The following DPY19L2 variants were observed in gnomAD, a reference collection of about 807,000 sequenced individuals.
The protein encoded by DPY19L2 is dpy-19 like 2, also known as probable C-mannosyltransferase DPY19L2.
DPY19L2 carries 34 observed loss-of-function variants against 97.9 expected under a neutral mutation model. The ratio of observed to expected loss-of-function variants is 0.35; its 90% CI spans 0.26 to 0.46. The LOEUF (loss-of-function observed/expected upper bound fraction) is 0.46. DPY19L2 is among the 20% of genes least tolerant of loss of function. The probability of loss-of-function intolerance (pLI) is 1.00; values close to 1 mark genes in which losing one functional copy is unlikely to be tolerated. For missense variants in DPY19L2, 623 were observed against 911.4 expected (o/e 0.68, Z 4.07); for synonymous variants, 230 against 307.9 (o/e 0.75, Z 2.65).
intron 4 of DPY19L2, among the ~76,000 whole-genome samples, chr12:63,655,912 T>C (rs998654021): frequency 2.6e-5 from 4 of 152,186 alleles, no homozygotes; most frequent in Non-Finnish European, 5.9e-5. Flanking sequence ...TACTAGGCAT[T>C]TACCGACTGA....
chr12:63,640,469 T>C (rs138059045), intron 6 of DPY19L2, among the ~76,000 whole-genome samples: 2,231 of 152,300 alleles, frequency 0.015, 25 homozygotes, highest in Non-Finnish European at 0.021. Flanking sequence ...CATATCTGTA[T>C]GTTAAAATTT....
At chr12:63,608,508 A>G (rs1316650063) in intron 12 of DPY19L2, 108 bp downstream of exon 12, 5 of 1,070,098 alleles carry the variant, frequency 4.7e-6, no homozygotes, top group African/African-American at 1.6e-5. Context: ...GACAGTAGCT[A>G]TTTATTAACT....
intron 4 of DPY19L2, among the ~76,000 whole-genome samples, chr12:63,658,618 C>T (rs11175104): frequency 0.22 from 32,888 of 151,918 alleles, 3,621 homozygotes; most frequent in Middle Eastern, 0.27. Context: ...CCAATAAAAG[C>T]GATGGCCTAG....
intron 16 of DPY19L2, among the ~76,000 whole-genome samples, chr12:63,585,197 C>G (rs1186846867): frequency 6.6e-6 from 1 of 151,930 alleles, no homozygotes; most frequent in Non-Finnish European, 1.5e-5. Context: ...TAGGAGACTG[C>G]CTATTTTATT....
At chr12:63,631,724 A>G (rs1036283350) in intron 6 of DPY19L2, among the ~76,000 whole-genome samples, 7 of 152,334 alleles carry the variant, frequency 4.6e-5, no homozygotes, top group Non-Finnish European at 7.3e-5. Context: ...GGAGGCCAGC[A>G]TCATCCTGAT....
chr12:63,599,688 G>A (rs1472215943), intron 13 of DPY19L2, among the ~76,000 whole-genome samples: 1 of 152,046 alleles, frequency 6.6e-6, no homozygotes, highest in African/African-American at 2.4e-5. Flanking sequence ...TTCATGCATT[G>A]TTTTCTATTC....
chr12:63,607,212 C>T (rs554277948), intron 12 of DPY19L2, among the ~76,000 whole-genome samples: 121 of 152,098 alleles, frequency 8.0e-4, no homozygotes, highest in Non-Finnish European at 1.4e-3. Flanking sequence ...TTGAGTGCAG[C>T]CTTGGCAGAA....
At chr12:63,661,632 T>C in intron 3 of DPY19L2, 151 bp from the exon 4 acceptor site, 2 of 606,824 alleles carry the variant, frequency 3.3e-6, no homozygotes, top group Non-Finnish European at 5.3e-6. Flanking sequence ...TTCTTGGTTT[T>C]TAAAGAACAC....
At chr12:63,622,106 A>T (rs1888789085) in intron 8 of DPY19L2, among the ~76,000 whole-genome samples, 1 of 152,178 alleles carries the variant, frequency 6.6e-6, no homozygotes, top group Non-Finnish European at 1.5e-5. Flanking sequence ...ATCATAAAAT[A>T]CTCATTATGT....
chr12:63,575,436 G>T (rs1186571040), intron 19 of DPY19L2, among the ~76,000 whole-genome samples: 1 of 151,550 alleles, frequency 6.6e-6, no homozygotes, highest in African/African-American at 2.4e-5. Flanking sequence ...AAAACCCAAA[G>T]TTAGTAAGAG....
intron 5 of DPY19L2, among the ~76,000 whole-genome samples, chr12:63,645,279 C>T (rs1157870268): frequency 6.6e-6 from 1 of 152,094 alleles, no homozygotes; most frequent in Non-Finnish European, 1.5e-5. Context: ...CCTTCTGATT[C>T]CCCCTGCCTC....
chr12:63,587,785 A>C (rs927068738), intron 16 of DPY19L2, among the ~76,000 whole-genome samples: 12 of 151,916 alleles, frequency 7.9e-5, no homozygotes, highest in Non-Finnish European at 1.5e-4. Context: ...GTTGGCCAGG[A>C]TGGTCTCGAT....
At chr12:63,661,253 C>T in intron 4 of DPY19L2, 91 bp downstream of exon 4, 1 of 1,270,360 alleles carries the variant, frequency 7.9e-7, no homozygotes, top group African/African-American at 1.5e-5. Context: ...CTGAAACGTC[C>T]CCTCCCTTTC....
intron 11 of DPY19L2, among the ~76,000 whole-genome samples, chr12:63,611,916 G>C (rs529707996): frequency 4.6e-5 from 7 of 151,970 alleles, no homozygotes; most frequent in Admixed American, 4.6e-4. Flanking sequence ...AAAGATCTAA[G>C]AATTTCAATT....
At chr12:63,609,633 A>G (rs1886625278) in intron 11 of DPY19L2, among the ~76,000 whole-genome samples, 1 of 152,158 alleles carries the variant, frequency 6.6e-6, no homozygotes, top group Non-Finnish European at 1.5e-5. Context: ...ACTGTGAGAA[A>G]TAAATTCCTG....
At chr12:63,625,038 A>T (rs998130190) in intron 7 of DPY19L2, among the ~76,000 whole-genome samples, 2 of 152,214 alleles carry the variant, frequency 1.3e-5, no homozygotes, top group African/African-American at 4.8e-5. Flanking sequence ...GATTTTATGT[A>T]TAATTTTTAT....
At chr12:63,629,196 A>G (rs1343450573) in intron 6 of DPY19L2, among the ~76,000 whole-genome samples, 1 of 152,174 alleles carries the variant, frequency 6.6e-6, no homozygotes, top group African/African-American at 2.4e-5. Flanking sequence ...CTCACCAGCA[A>G]TGGAACAAAG....
chr12:63,583,455 C>T (rs1211247378), intron 17 of DPY19L2, among the ~76,000 whole-genome samples: 10 of 152,142 alleles, frequency 6.6e-5, no homozygotes, highest in Admixed American at 3.3e-4. Flanking sequence ...ACTGACTGAC[C>T]AGCAAATCTA....
At chr12:63,620,259 C>T in intron 9 of DPY19L2, 1 of 235,512 alleles carries the variant, frequency 4.2e-6, no homozygotes, top group South Asian at 4.7e-5. Context: ...CTCACTTAAG[C>T]AATGATGAGC....
Sources: gnomAD v4.1 joint callset for allele counts (sites outside exome capture counted in the v4.1 genomes callset) on GRCh38, gnomAD v4.1.1 for gene constraint, MANE v1.5 for transcripts, NCBI Gene and HGNC (gene_info 2026-07-23, HGNC 2026-07-21) for gene names.